Variants in LANCL2 observed in about 807,000 individuals in gnomAD.
LANCL2 encodes the protein lanC-like protein 2.
LANCL2 carries 33 observed loss-of-function variants against 56.9 expected under a neutral mutation model. That is an observed-to-expected ratio of 0.58 (90% CI 0.44 to 0.78). The LOEUF (loss-of-function observed/expected upper bound fraction) is 0.78, where lower values mean the gene tolerates loss of function less well. Among genes scored for constraint, LANCL2 ranks in the 30% least tolerant of loss-of-function variants. The pLI is 0.00. For synonymous variants in LANCL2, 233 were observed against 228.2 expected (o/e 1.02, Z -0.19); for missense variants, 562 against 580.2 (o/e 0.97, Z 0.32).
chr7:55,430,021 C>T (rs1790710961), intron 8 of LANCL2, among the ~76,000 whole-genome samples: 1 of 152,250 alleles, frequency 6.6e-6, no homozygotes, highest in Non-Finnish European at 1.5e-5. Flanking sequence ...GGAGCTCACT[C>T]CTGCTGGAGT....
chr7:55,420,069 A>G (rs1790592262), intron 6 of LANCL2, among the ~76,000 whole-genome samples: 1 of 151,156 alleles, frequency 6.6e-6, no homozygotes, highest in Non-Finnish European at 1.5e-5. Context: ...GTCTCAAAAA[A>G]AACATAAAAA....
intron 5 of LANCL2, among the ~76,000 whole-genome samples, chr7:55,411,128 G>A (rs188890386): frequency 2.0e-5 from 3 of 152,270 alleles, no homozygotes; most frequent in South Asian, 2.1e-4. Flanking sequence ...ACCCTAAGAT[G>A]CTCACTTAGC....
chr7:55,405,527 T>C (rs6945218), intron 5 of LANCL2, among the ~76,000 whole-genome samples: 50,484 of 147,214 alleles, frequency 0.34, 9,235 homozygotes, highest in African/African-American at 0.41. Context: ...GGGTCTCACT[T>C]TTGCCCAAGC....
intron 4 of LANCL2, among the ~76,000 whole-genome samples, chr7:55,400,503 G>A (rs1022427082): frequency 1.3e-5 from 2 of 152,154 alleles, no homozygotes; most frequent in South Asian, 2.1e-4. Context: ...AGCCTATGAA[G>A]GGAAAAGAGG....
At position 55,400,008 on chromosome 7, in the gene LANCL2, T is replaced by C; in HGVS notation, c.582T>C (p.Asp194=). The change falls in exon 4 of 9, where the codon GAT becomes GAC. Residue 194 remains aspartate, a synonymous_variant. Coordinates refer to ENST00000254770, the MANE Select transcript of LANCL2 (RefSeq NM_018697.4). ...TCTGCCAAGAATCAGACCTTCCTGA[T>C]GAGCTGCTTTATGGACGGGCAGGTT... The part of the protein sequence containing the change: ...SVVCQESDLP[D]ELLYGRAGYL... 6.2e-7 allele frequency: 1 copy of C among 1,613,480 alleles called. No individual in the cohort carries two copies. Among genetic ancestry groups the C allele is most frequent in the Non-Finnish European group, 8.5e-7 (1 of 1,179,416 alleles).
chr7:55,412,157 C>T, intron 6 of LANCL2, 68 bp downstream of exon 6: 1 of 1,477,002 alleles, frequency 6.8e-7, no homozygotes, highest in South Asian at 1.3e-5. Context: ...GGTTTTGGGT[C>T]TTGCTTTGGT....
At position 55,426,939 on chromosome 7, in the gene LANCL2, C is replaced by T. The variant is rs573052190; in HGVS notation, c.1186-1436C>T. Among the ~76,000 whole-genome samples, 3 of 152,252 alleles carry T rather than the reference C, an allele frequency of 2.0e-5. No individual in the cohort carries two copies. The South Asian group carries it at 6.2e-4, about 32-fold the overall frequency. ...GACCGCAGGAGGGGTGAGACGCAGC[C>T]GGTTCTTTAAAGATGAGGGGTTTTT... On this transcript the variant is annotated intron_variant, in intron 7 of 8. Coordinates refer to ENST00000254770, the MANE Select transcript of LANCL2 (RefSeq NM_018697.4).
At chr7:55,384,484 G>A (rs560459628) in intron 1 of LANCL2, among the ~76,000 whole-genome samples, 20 of 152,056 alleles carry the variant, frequency 1.3e-4, no homozygotes, top group African/African-American at 2.9e-4. Flanking sequence ...CCTGGGAGGC[G>A]GAGCTTGCAG....
chr7:55,412,010 T>A lies in LANCL2; in HGVS notation c.929T>A (p.Leu310Ter). 1 of 1,614,244 alleles carries A rather than the reference T, an allele frequency of 6.2e-7. No individual in the cohort carries two copies. The highest frequency in any genetic ancestry group is 8.5e-7 in the Non-Finnish European group (1 of 1,180,028). Residue 310 changes from leucine (L) to a stop codon, truncating the protein, a stop_gained, in exon 6 of 9, where the codon TTA becomes TAA. Transcript: ENST00000254770. LOFTEE classifies it high-confidence loss of function. ...CGATCTGGGAATTACCCATCATCAT[T>A]AAGCAATGAAACAGACCGGCTGGTG... Reference protein sequence around the residue: ...KFRSGNYPSSLSNETDRLVHW... With the variant: ...KFRSGNYPSS
chr7:55,375,593 G>A, intron 1 of LANCL2, among the ~76,000 whole-genome samples: 1 of 152,154 alleles, frequency 6.6e-6, no homozygotes, highest in Non-Finnish European at 1.5e-5. Context: ...TTTTTCCGTT[G>A]TTGCCATAAA....
chr7:55,414,569 T>C (rs1407703537), intron 6 of LANCL2, among the ~76,000 whole-genome samples: 1 of 152,326 alleles, frequency 6.6e-6, no homozygotes, highest in East Asian at 1.9e-4. Context: ...AAAATTTATT[T>C]TCCCTCCCTG....
chr7:55,409,250 G>T (rs982743328), intron 5 of LANCL2, among the ~76,000 whole-genome samples: 9 of 151,618 alleles, frequency 5.9e-5, no homozygotes, highest in Middle Eastern at 3.4e-3. Context: ...ACCATGCCCG[G>T]CTAATTTTTT....
At chr7:55,381,246 C>A (rs1158663033) in intron 1 of LANCL2, among the ~76,000 whole-genome samples, 1 of 152,128 alleles carries the variant, frequency 6.6e-6, no homozygotes, top group African/African-American at 2.4e-5. Flanking sequence ...GTCTTTTATC[C>A]TGGAGCTAAG....
Position 55,365,922 on chromosome 7 carries a change from A to G in LANCL2, c.-104A>G, listed in dbSNP as rs1184219681. On this transcript the variant is annotated 5_prime_UTR_variant, in exon 1 of 9. An upstream open reading frame in the 5' UTR loses its in-frame stop. Coordinates refer to ENST00000254770, the MANE Select transcript of LANCL2 (RefSeq NM_018697.4). Reference sequence around the variant, plus strand: ...GCCAGCGCGCGGCCTCGCTCCTCCTAGAGGACGCTCTCTGCGCGGGCCCTC... The same window carrying G: ...GCCAGCGCGCGGCCTCGCTCCTCCTGGAGGACGCTCTCTGCGCGGGCCCTC... 1 of 907,208 alleles carries G rather than the reference A, an allele frequency of 1.1e-6. No homozygotes were observed. Among genetic ancestry groups the G allele is most frequent in the Non-Finnish European group, 1.6e-6 (1 of 639,998 alleles). The allele number at this position is 907,208 out of a possible 1,614,324, so 56.2% of individuals were successfully genotyped here. A position where few individuals can be genotyped will look rare whatever the true frequency, so the allele number is the denominator to read the frequency against.
intron 1 of LANCL2, among the ~76,000 whole-genome samples, chr7:55,377,159 T>C (rs1462124913): frequency 6.6e-6 from 1 of 152,222 alleles, no homozygotes; most frequent in South Asian, 2.1e-4. Flanking sequence ...CTTTATTTTT[T>C]CCATATGCAA....
At chr7:55,371,254 T>C (rs1308790706) in intron 1 of LANCL2, among the ~76,000 whole-genome samples, 12 of 152,226 alleles carry the variant, frequency 7.9e-5, no homozygotes. Flanking sequence ...TTTGTTTTTT[T>C]TCGAGACAGG....
chr7:55,385,322 A>C (rs1790113026), intron 1 of LANCL2, among the ~76,000 whole-genome samples: 1 of 152,212 alleles, frequency 6.6e-6, no homozygotes, highest in Non-Finnish European at 1.5e-5. Flanking sequence ...TATTAGAGAA[A>C]GAAGGAAAAG....
intron 1 of LANCL2, among the ~76,000 whole-genome samples, chr7:55,376,558 C>A (rs1790005575): frequency 6.6e-6 from 1 of 152,206 alleles, no homozygotes; most frequent in South Asian, 2.1e-4. Flanking sequence ...CATCCCCTCT[C>A]CACCCTTCTG....
At chr7:55,392,780 T>G (rs1790206771) in intron 2 of LANCL2, among the ~76,000 whole-genome samples, 1 of 152,196 alleles carries the variant, frequency 6.6e-6, no homozygotes, top group Non-Finnish European at 1.5e-5. Flanking sequence ...TTTTATAACA[T>G]TATTTATTTA....
Sources: allele counts gnomAD v4.1 joint callset (sites outside exome capture counted in the v4.1 genomes callset), GRCh38; gene constraint gnomAD v4.1.1; transcripts MANE v1.5; gene names NCBI Gene and HGNC (gene_info 2026-07-23, HGNC 2026-07-21).